The following KCNIP4 variants were observed in gnomAD, a reference collection of about 807,000 sequenced individuals.
KCNIP4 encodes Kv channel-interacting protein 4.
KCNIP4 carries 12 observed loss-of-function variants against 34.0 expected under a neutral mutation model. That is an observed-to-expected ratio of 0.35 (90% CI 0.23 to 0.57). The LOEUF (loss-of-function observed/expected upper bound fraction) is 0.57, where lower values mean the gene tolerates loss of function less well. Among genes scored for constraint, KCNIP4 ranks in the 20% least tolerant of loss-of-function variants. KCNIP4 has a pLI of 0.83. For missense variants in KCNIP4, 238 were observed against 311.7 expected, an observed-to-expected ratio of 0.76 and a Z score of 1.78; for synonymous variants, 124 against 102.2, an observed-to-expected ratio of 1.21 and a Z score of -1.29.
intron 1 of KCNIP4, among the ~76,000 whole-genome samples, chr4:21,513,095 G>A (rs1734468479): frequency 6.6e-6 from 1 of 152,170 alleles, no homozygotes; most frequent in Non-Finnish European, 1.5e-5. Context: ...ATACCACTAT[G>A]TTCCAGGCAG....
At chr4:21,176,001 TA>T (rs1754380303) in intron 1 of KCNIP4, among the ~76,000 whole-genome samples, 1 of 152,166 alleles carries the variant, frequency 6.6e-6, no homozygotes, top group Non-Finnish European at 1.5e-5. Flanking sequence ...CCCATTGCAA[TA>T]ATCTTGACCT....
chr4:21,719,624 T>A (rs1378956496), intron 1 of KCNIP4, among the ~76,000 whole-genome samples: 1 of 152,108 alleles, frequency 6.6e-6, no homozygotes, highest in Non-Finnish European at 1.5e-5. Flanking sequence ...AACCATCACC[T>A]CTCATCAGCA....
intron 1 of KCNIP4, among the ~76,000 whole-genome samples, chr4:21,109,740 C>A (rs1054952936): frequency 1.3e-5 from 2 of 152,174 alleles, no homozygotes; most frequent in South Asian, 4.1e-4. Flanking sequence ...ATTTGGCCAT[C>A]TTGGCTGCCC....
chr4:21,686,498 A>T (rs1241447113), intron 1 of KCNIP4, among the ~76,000 whole-genome samples: 2 of 152,184 alleles, frequency 1.3e-5, no homozygotes, highest in Non-Finnish European at 2.9e-5. Flanking sequence ...ATTAAAATTC[A>T]ACTATTATAC....
At chr4:21,756,886 C>T (rs1031739288) in intron 1 of KCNIP4, among the ~76,000 whole-genome samples, 9 of 151,760 alleles carry the variant, frequency 5.9e-5, no homozygotes, top group Non-Finnish European at 1.3e-4. Flanking sequence ...CTCTTGAGGA[C>T]AGAAGTTCAA....
intron 1 of KCNIP4, among the ~76,000 whole-genome samples, chr4:21,863,260 A>ATTTTTTTTTTTTT (rs34972685): frequency 7.1e-5 from 10 of 141,734 alleles, no homozygotes; most frequent in East Asian, 4.2e-4. Flanking sequence ...CACGGATTGA[A>ATTTTTTTTTTTTT]TTTTTTTTTT....
rs147218531 is a variant in KCNIP4 at position 21,215,036 on chromosome 4, C to T, written c.62-332327G>A. 2.0e-3 allele frequency among the ~76,000 whole-genome samples: 301 copies of T among 152,172 alleles called. 2 individuals carry two copies. Among genetic ancestry groups the T allele is most frequent in the African/African-American group, 2.6e-3 (109 of 41,560 alleles). The stretch of plus-strand genomic sequence containing the variant: ...CACTAGTAGCCCTTATCTACTGAAT[C>T]GTAACAGCACTTAATCTTATAGGTA... On this transcript the variant is annotated intron_variant, in intron 1 of 8. Coordinates refer to ENST00000382152, the MANE Select transcript of KCNIP4 (RefSeq NM_025221.6).
intron 1 of KCNIP4, among the ~76,000 whole-genome samples, chr4:21,133,702 C>T (rs1055282001): frequency 6.6e-6 from 1 of 152,152 alleles, no homozygotes; most frequent in Non-Finnish European, 1.5e-5. Flanking sequence ...AAAAATATTA[C>T]TACAATTTCT....
At chr4:21,599,310 T>G (rs1742907975) in intron 1 of KCNIP4, among the ~76,000 whole-genome samples, 1 of 152,104 alleles carries the variant, frequency 6.6e-6, no homozygotes, top group Non-Finnish European at 1.5e-5. Flanking sequence ...AGGGAATCAA[T>G]AACCAAGAGT....
At chr4:20,843,533 C>G (rs1279649764) in intron 3 of KCNIP4, among the ~76,000 whole-genome samples, 1 of 152,068 alleles carries the variant, frequency 6.6e-6, no homozygotes, top group African/African-American at 2.4e-5. Flanking sequence ...ATTTCTAGAC[C>G]AGCCTGGCCA....
intron 1 of KCNIP4, among the ~76,000 whole-genome samples, chr4:21,236,993 G>A (rs1212462366): frequency 6.7e-6 from 1 of 149,908 alleles, no homozygotes; most frequent in African/African-American, 2.5e-5. Flanking sequence ...GTGACAGAGG[G>A]AGACTCCATC....
At chr4:21,264,850 C>A (rs1448009786) in intron 1 of KCNIP4, among the ~76,000 whole-genome samples, 2 of 152,100 alleles carry the variant, frequency 1.3e-5, no homozygotes, top group Admixed American at 1.3e-4. Context: ...GTAATCCCAG[C>A]AGTTTGGGAG....
chr4:20,892,205 AAT>A (rs932733357), intron 1 of KCNIP4, among the ~76,000 whole-genome samples: 3 of 152,186 alleles, frequency 2.0e-5, no homozygotes, highest in African/African-American at 7.2e-5. Context: ...TTGATTATAA[AAT>A]AGTTTGTGTA....
At chr4:21,426,702 C>T (rs1160063689) in intron 1 of KCNIP4, among the ~76,000 whole-genome samples, 1 of 151,558 alleles carries the variant, frequency 6.6e-6, no homozygotes, top group African/African-American at 2.4e-5. Flanking sequence ...ATTTATTTAA[C>T]AAATATTTAT....
At chr4:21,426,906 T>TA (rs35902654) in intron 1 of KCNIP4, among the ~76,000 whole-genome samples, 85,614 of 151,206 alleles carry the variant, frequency 0.57, 24,267 homozygotes, top group Middle Eastern at 0.6. Context: ...TTTTAACTTT[T>TA]TTTTTTTTTT....
intron 1 of KCNIP4, among the ~76,000 whole-genome samples, chr4:21,695,307 C>T (rs1319694148): frequency 1.3e-5 from 2 of 151,864 alleles, no homozygotes; most frequent in East Asian, 1.9e-4. Context: ...GAGACTGAGC[C>T]GAAAAGAATT....
intron 1 of KCNIP4, among the ~76,000 whole-genome samples, chr4:21,870,310 G>A (rs999751815): frequency 7.2e-5 from 11 of 152,124 alleles, no homozygotes; most frequent in East Asian, 1.9e-4. Flanking sequence ...ATCTCCAGCC[G>A]ATCAGCACTG....
chr4:21,873,580 C>T (rs1452215630), intron 1 of KCNIP4, among the ~76,000 whole-genome samples: 1 of 152,152 alleles, frequency 6.6e-6, no homozygotes, highest in African/African-American at 2.4e-5. Context: ...TCACTGAATT[C>T]ACTGTTGAAA....
At chr4:21,491,844 A>G (rs10025003) in intron 1 of KCNIP4, among the ~76,000 whole-genome samples, 5,751 of 152,290 alleles carry the variant, frequency 0.038, 326 homozygotes, top group African/African-American at 0.12. Flanking sequence ...TAATTAAGCT[A>G]CCAGCAATTT....
Sources: allele counts gnomAD v4.1 joint callset (sites outside exome capture counted in the v4.1 genomes callset), GRCh38; gene constraint gnomAD v4.1.1; transcripts MANE v1.5; gene names NCBI Gene and HGNC (gene_info 2026-07-23, HGNC 2026-07-21).